RXFP2: variants seen among roughly 807,000 people sequenced by gnomAD.
The protein encoded by RXFP2 is relaxin receptor 2.
Under a neutral mutation model 88.6 loss-of-function variants are expected in RXFP2, and 68 were observed. The observed-to-expected ratio is 0.77, with a 90% CI of 0.63 to 0.94. The LOEUF (loss-of-function observed/expected upper bound fraction) is 0.94. Ranked by LOEUF, RXFP2 falls within the 40% of genes least tolerant of loss-of-function variation. RXFP2 has a pLI of 0.00. For missense variants in RXFP2, 791 were observed against 893.9 expected (o/e 0.88, Z 1.47); for synonymous variants, 329 against 306.8 (o/e 1.07, Z -0.76).
intron 15 of RXFP2, among the ~76,000 whole-genome samples, chr13:31,792,415 C>G (rs995830260): frequency 2.6e-5 from 4 of 152,196 alleles, no homozygotes; most frequent in Non-Finnish European, 5.9e-5. Flanking sequence ...TGTTTAACAA[C>G]TAGTCCTTCC....
At chr13:31,739,826 T>G (rs1871156053) in intron 1 of RXFP2, 120 bp downstream of exon 1, 1 of 726,282 alleles carries the variant, frequency 1.4e-6, no homozygotes, top group Non-Finnish European at 2.4e-6. Flanking sequence ...AGACATCAAA[T>G]TTGCCTGGTA....
At chr13:31,743,291 A>G (rs545757565) in intron 1 of RXFP2, among the ~76,000 whole-genome samples, 1 of 152,172 alleles carries the variant, frequency 6.6e-6, no homozygotes, top group African/African-American at 2.4e-5. Context: ...AACATGGTGA[A>G]ATCCCATCTC....
At chr13:31,752,517 A>AAT (rs1358702586) in intron 1 of RXFP2, among the ~76,000 whole-genome samples, 2 of 152,072 alleles carry the variant, frequency 1.3e-5, no homozygotes, top group East Asian at 3.9e-4. Flanking sequence ...AGTACCAAAC[A>AAT]GTTGCCTGAA....
In RXFP2 at chr13:31,789,139, A is replaced by C; in HGVS notation, c.1091A>C (p.Glu364Ala). The stretch of plus-strand genomic sequence containing the variant: ...TTTTCCAGAGACCTGGAAAGGATAG[A>C]GATTCCAAATATAAACACACGAATG... The part of the protein sequence containing the change: ...QLQSLDLERI[E>A]IPNINTRMFQ... Residue 364 changes from glutamate (E) to alanine (A), a missense_variant, in exon 14 of 18, where the codon GAG becomes GCG. Coordinates refer to ENST00000298386, the MANE Select transcript of RXFP2 (RefSeq NM_130806.5). 6.2e-7 allele frequency: 1 copy of C among 1,606,990 alleles called. No homozygotes were observed.
chr13:31,758,891 T>A (rs1038550059), intron 2 of RXFP2, among the ~76,000 whole-genome samples: 1 of 151,448 alleles, frequency 6.6e-6, no homozygotes, highest in Non-Finnish European at 1.5e-5. Flanking sequence ...TACAAAAAAA[T>A]TAAAAAATTA....
At chr13:31,775,079 A>G (rs1019123478) in intron 6 of RXFP2, among the ~76,000 whole-genome samples, 11 of 152,224 alleles carry the variant, frequency 7.2e-5, no homozygotes, top group Admixed American at 7.2e-4. Flanking sequence ...ATGATGTAAT[A>G]TCCCAAAACA....
chr13:31,787,490 T>C (rs920855681), intron 13 of RXFP2, among the ~76,000 whole-genome samples: 2 of 152,248 alleles, frequency 1.3e-5, no homozygotes, highest in African/African-American at 4.8e-5. Context: ...GACAGCATGA[T>C]TCTTCTCTTT....
At chr13:31,746,019 G>A (rs947042460) in intron 1 of RXFP2, among the ~76,000 whole-genome samples, 2 of 152,180 alleles carry the variant, frequency 1.3e-5, no homozygotes, top group African/African-American at 4.8e-5. Context: ...CTTGACTGGC[G>A]TTTGGCCTTC....
chr13:31,775,177 G>T (rs1165695705), intron 6 of RXFP2, 141 bp from the exon 7 acceptor site: 4 of 718,964 alleles, frequency 5.6e-6, no homozygotes, highest in African/African-American at 5.2e-5. Flanking sequence ...CCTTGAATTT[G>T]CCCCCTCTGC....
At chr13:31,740,758 T>C (rs1871198906) in intron 1 of RXFP2, among the ~76,000 whole-genome samples, 1 of 152,052 alleles carries the variant, frequency 6.6e-6, no homozygotes, top group Non-Finnish European at 1.5e-5. Context: ...TCCATGCACC[T>C]AGCATGACTT....
chr13:31,747,515 A>C (rs1871476691), intron 1 of RXFP2, among the ~76,000 whole-genome samples: 2 of 152,212 alleles, frequency 1.3e-5, no homozygotes, highest in Admixed American at 6.5e-5. Context: ...TTATCACTGA[A>C]GCACTGATGT....
intron 3 of RXFP2, among the ~76,000 whole-genome samples, chr13:31,764,567 C>A (rs551278689): frequency 6.6e-6 from 1 of 152,218 alleles, no homozygotes; most frequent in South Asian, 2.1e-4. Flanking sequence ...TATGGTAGAA[C>A]CTGCATCTCA....
chr13:31,783,060 C>T (rs1012799466), intron 11 of RXFP2, among the ~76,000 whole-genome samples: 2 of 152,146 alleles, frequency 1.3e-5, no homozygotes, highest in Non-Finnish European at 2.9e-5. Flanking sequence ...TTTCTACTGA[C>T]TGGAGTATAG....
intron 1 of RXFP2, among the ~76,000 whole-genome samples, chr13:31,757,913 G>C (rs1180724574): frequency 6.6e-6 from 1 of 152,070 alleles, no homozygotes; most frequent in Non-Finnish European, 1.5e-5. Context: ...CCAACATGGT[G>C]AAACCCCGTC....
intron 1 of RXFP2, among the ~76,000 whole-genome samples, chr13:31,745,536 G>T (rs890755450): frequency 1.3e-5 from 2 of 152,174 alleles, no homozygotes; most frequent in Admixed American, 1.3e-4. Context: ...CCCAGCCTCT[G>T]CCAGTTGGGC....
intron 9 of RXFP2, among the ~76,000 whole-genome samples, chr13:31,778,989 A>G (rs1281147298): frequency 5.3e-5 from 8 of 152,158 alleles, no homozygotes; most frequent in Non-Finnish European, 8.8e-5. Flanking sequence ...CATTCCTGAC[A>G]CACCAACCAG....
intron 1 of RXFP2, among the ~76,000 whole-genome samples, chr13:31,741,676 T>C (rs778609621): frequency 5.9e-5 from 9 of 152,060 alleles, no homozygotes; most frequent in Non-Finnish European, 1.0e-4. Context: ...AATGAGTGAT[T>C]GCCTTAAGCT....
Position 31,787,243 on chromosome 13 carries a change from C to T in RXFP2, c.1073+606C>T, listed in dbSNP as rs867535430. Among the ~76,000 whole-genome samples the T allele has an allele frequency of 6.6e-5, 10 of 152,324 alleles. No homozygotes were observed. In the South Asian group the frequency reaches 1.0e-3, roughly 16 times the overall value. On this transcript the variant is annotated intron_variant, in intron 13 of 17. Coordinates refer to ENST00000298386, the MANE Select transcript of RXFP2 (RefSeq NM_130806.5). The stretch of plus-strand genomic sequence containing the variant: ...TTGTTTTCACACAGACAGCAGACTA[C>T]GCTGCCTGACTGCAGCCTAAAGCAT...
chr13:31,790,708 G>T (rs1186213229), intron 14 of RXFP2, among the ~76,000 whole-genome samples: 1 of 152,214 alleles, frequency 6.6e-6, no homozygotes, highest in Admixed American at 6.5e-5. Context: ...TTTAAATAAA[G>T]CAAGGTAAGG....
Sources: gnomAD v4.1 joint callset for allele counts (sites outside exome capture counted in the v4.1 genomes callset) on GRCh38, gnomAD v4.1.1 for gene constraint, MANE v1.5 for transcripts, NCBI Gene and HGNC (gene_info 2026-07-23, HGNC 2026-07-21) for gene names.